TBC1D4: variants seen among roughly 807,000 people sequenced by gnomAD.
TBC1D4 encodes TBC (Tre-2, BUB2, CDC16) domain-containing protein.
In TBC1D4, 121 loss-of-function variants were observed where a neutral mutation model predicts 142.5. That is an observed-to-expected ratio of 0.85 (90% CI 0.73 to 0.99). TBC1D4 has a LOEUF of 0.99. Ranked by LOEUF, TBC1D4 falls within the 50% of genes least tolerant of loss-of-function variation. TBC1D4 has a pLI of 0.00. For missense variants in TBC1D4, 1,475 were observed against 1,606.6 expected, an observed-to-expected ratio of 0.92 and a Z score of 1.40; for synonymous variants, 630 against 628.2, an observed-to-expected ratio of 1.00 and a Z score of -0.04.
chr13:75,316,640 A>G (rs1422554702), intron 12 of TBC1D4: 1 of 152,248 alleles, frequency 6.6e-6, no homozygotes, highest in Admixed American at 6.5e-5. Context: ...TGCAACTTAT[A>G]GCAGTTTCCT....
intron 19 of TBC1D4, among the ~76,000 whole-genome samples, chr13:75,289,489 C>T (rs547389782): frequency 6.6e-6 from 1 of 151,836 alleles, no homozygotes; most frequent in East Asian, 1.9e-4. Flanking sequence ...AGATAAACAA[C>T]ATTAGTTATT....
chr13:75,289,985 T>C (rs1226013062), intron 19 of TBC1D4, among the ~76,000 whole-genome samples: 1 of 152,218 alleles, frequency 6.6e-6, no homozygotes, highest in Non-Finnish European at 1.5e-5. Context: ...CTAGACTAAC[T>C]GGTTATCCTC....
At chr13:75,422,152 C>T (rs1203917974) in intron 1 of TBC1D4, among the ~76,000 whole-genome samples, 1 of 152,114 alleles carries the variant, frequency 6.6e-6, no homozygotes, top group Non-Finnish European at 1.5e-5. Context: ...TTCCAAGAGG[C>T]TAATAATGCT....
chr13:75,397,623 G>T lies in TBC1D4; in HGVS notation c.499-35016C>A, dbSNP rs571472875. On this transcript the variant is annotated intron_variant, in intron 1 of 20. Transcript: ENST00000377636. ...TTTGTTTTTGTGTTTGTTTTGATTT[G>T]CTTTGCTTTTTTGTTTTGTTTTGTT... Among the ~76,000 whole-genome samples, 5 of 152,152 alleles carry T rather than the reference G, an allele frequency of 3.3e-5. No individual in the cohort carries two copies. In the East Asian group the frequency reaches 5.8e-4, roughly 18 times the overall value.
intron 20 of TBC1D4, 52 bp from the exon 21 acceptor site, chr13:75,287,077 G>A: frequency 6.8e-7 from 1 of 1,467,116 alleles, no homozygotes; most frequent in Non-Finnish European, 9.5e-7. Flanking sequence ...TATAGTAGGA[G>A]ACAGTCCTTA....
chr13:75,325,946 T>G (rs1197190834), intron 10 of TBC1D4, among the ~76,000 whole-genome samples: 2 of 152,226 alleles, frequency 1.3e-5, no homozygotes. Context: ...TGCATGGTTA[T>G]CTTGTTTTTT....
intron 1 of TBC1D4, among the ~76,000 whole-genome samples, chr13:75,380,468 A>G (rs1883771228): frequency 6.6e-6 from 1 of 151,456 alleles, no homozygotes; most frequent in African/African-American, 2.4e-5. Flanking sequence ...GCAAAACTCC[A>G]TCTCCAAAAA....
chr13:75,311,100 A>G (rs57799544), intron 13 of TBC1D4, among the ~76,000 whole-genome samples: 3,213 of 152,242 alleles, frequency 0.021, 118 homozygotes, highest in African/African-American at 0.073. Context: ...ATCTCTTAAA[A>G]CATTTCAATG....
chr13:75,395,920 C>T (rs1056003988), intron 1 of TBC1D4, among the ~76,000 whole-genome samples: 2 of 152,142 alleles, frequency 1.3e-5, no homozygotes, highest in Non-Finnish European at 2.9e-5. Context: ...TTGTGCCCCT[C>T]CCATTTAATT....
chr13:75,391,061 C>A (rs866477105), intron 1 of TBC1D4, among the ~76,000 whole-genome samples: 1 of 129,592 alleles, frequency 7.7e-6, no homozygotes, highest in African/African-American at 2.6e-5. Flanking sequence ...CACACACACA[C>A]ACACACACAC....
chr13:75,470,713 C>T (rs1380549703), intron 1 of TBC1D4, among the ~76,000 whole-genome samples: 1 of 152,060 alleles, frequency 6.6e-6, no homozygotes, highest in Non-Finnish European at 1.5e-5. Context: ...ATGGGTTGGC[C>T]AGGCATGGTG....
chr13:75,296,110 T>C (rs1303951136), intron 17 of TBC1D4, among the ~76,000 whole-genome samples: 2 of 152,110 alleles, frequency 1.3e-5, no homozygotes, highest in Non-Finnish European at 2.9e-5. Flanking sequence ...CAAATATCTT[T>C]AGAAACTCCG....
intron 18 of TBC1D4, among the ~76,000 whole-genome samples, chr13:75,294,608 T>G (rs1875694457): frequency 6.6e-6 from 1 of 152,166 alleles, no homozygotes. Flanking sequence ...AAATAAGAGC[T>G]CCATTACAGC....
At chr13:75,313,409 G>C (rs1877977227) in intron 12 of TBC1D4, among the ~76,000 whole-genome samples, 1 of 152,184 alleles carries the variant, frequency 6.6e-6, no homozygotes, top group Non-Finnish European at 1.5e-5. Context: ...ATGATAACCT[G>C]AATATAAGCA....
At chr13:75,314,557 A>C (rs886243796) in intron 12 of TBC1D4, among the ~76,000 whole-genome samples, 9 of 152,198 alleles carry the variant, frequency 5.9e-5, no homozygotes, top group Admixed American at 5.9e-4. Context: ...AAGTATTATG[A>C]CGTGATACTT....
At chr13:75,384,231 T>C (rs753038012) in intron 1 of TBC1D4, among the ~76,000 whole-genome samples, 8 of 151,836 alleles carry the variant, frequency 5.3e-5, no homozygotes, top group South Asian at 2.1e-4. Context: ...AGATCAGGAG[T>C]TCAGGGCCAG....
intron 1 of TBC1D4, among the ~76,000 whole-genome samples, chr13:75,397,443 G>A (rs1356235219): frequency 6.6e-6 from 1 of 152,180 alleles, no homozygotes; most frequent in Non-Finnish European, 1.5e-5. Flanking sequence ...AATACAGAAT[G>A]TAAGGGATAC....
chr13:75,296,025 C>T (rs1875880334), intron 17 of TBC1D4, among the ~76,000 whole-genome samples: 1 of 151,948 alleles, frequency 6.6e-6, no homozygotes, highest in South Asian at 2.1e-4. Context: ...AACTAAAAAT[C>T]AACAGACTCC....
At chr13:75,303,369 G>A (rs1876792113) in intron 15 of TBC1D4, among the ~76,000 whole-genome samples, 3 of 152,070 alleles carry the variant, frequency 2.0e-5, no homozygotes. Context: ...TAACTGATAT[G>A]CTCCAGAACA....
Sources: allele counts gnomAD v4.1 joint callset (sites outside exome capture counted in the v4.1 genomes callset), GRCh38; gene constraint gnomAD v4.1.1; transcripts MANE v1.5; gene names NCBI Gene and HGNC (gene_info 2026-07-23, HGNC 2026-07-21).